Variants in PARD3B observed in about 807,000 individuals in gnomAD.
PARD3B encodes par-3 family cell polarity regulator beta.
A neutral mutation model predicts 130.2 loss-of-function variants in PARD3B; 103 were observed. The ratio of observed to expected loss-of-function variants is 0.79; its 90% CI spans 0.67 to 0.93. The LOEUF (loss-of-function observed/expected upper bound fraction) is 0.93. PARD3B is among the 40% of genes least tolerant of loss of function. The pLI is 0.00. For missense variants in PARD3B, 1,609 were observed against 1,499.2 expected, an observed-to-expected ratio of 1.07 and a Z score of -1.21; for synonymous variants, 583 against 553.2, an observed-to-expected ratio of 1.05 and a Z score of -0.76.
chr2:205,142,792 C>T lies in PARD3B; in HGVS notation c.1435-15930C>T, dbSNP rs1182872922. On this transcript the variant is annotated intron_variant, in intron 10 of 22. Transcript: ENST00000406610. This position sits in a 1 kb window ranked among gnomAD's most constrained non-coding sequence, Gnocchi z 4.3. ...ACTCAGGAAGCTGACGCAGGAGAAT[C>T]GTTTGAACCCGGGAGGCAGAGGTTG... Among the ~76,000 whole-genome samples the T allele has an allele frequency of 2.6e-5, 4 of 151,932 alleles. No individual in the cohort carries two copies. Among genetic ancestry groups the T allele is most frequent in the African/African-American group, 9.7e-5 (4 of 41,340 alleles).
intron 1 of PARD3B, among the ~76,000 whole-genome samples, chr2:204,667,983 G>A (rs976359792): frequency 2.0e-5 from 3 of 152,148 alleles, no homozygotes; most frequent in African/African-American, 7.2e-5. Flanking sequence ...ATTCTTGTAT[G>A]GACAGAAGAA....
At chr2:205,354,510 G>A (rs34008143) in intron 18 of PARD3B, among the ~76,000 whole-genome samples, 91,226 of 151,162 alleles carry the variant, frequency 0.6, 30,676 homozygotes, top group South Asian at 0.77. Flanking sequence ...TTAGAGCTGG[G>A]GTCTCACTAC....
chr2:205,363,546 G>T (rs80034745), intron 18 of PARD3B, among the ~76,000 whole-genome samples: 2,408 of 152,280 alleles, frequency 0.016, 20 homozygotes, highest in Non-Finnish European at 0.024. Flanking sequence ...AGGCAAAGGG[G>T]TATAATTGAA....
intron 22 of PARD3B, among the ~76,000 whole-genome samples, chr2:205,605,792 C>G (rs1373740472): frequency 1.3e-5 from 2 of 152,214 alleles, no homozygotes; most frequent in African/African-American, 4.8e-5. Context: ...GTGTGCTGCA[C>G]TGGGAGGAAT....
intron 4 of PARD3B, among the ~76,000 whole-genome samples, chr2:205,099,120 AT>A (rs1309354234): frequency 1.3e-5 from 2 of 152,190 alleles, no homozygotes; most frequent in Non-Finnish European, 2.9e-5. Flanking sequence ...AAGCCTTGTC[AT>A]TTGACCAAAA....
At chr2:204,559,030 C>T (rs1305551936) in intron 1 of PARD3B, among the ~76,000 whole-genome samples, 1 of 152,120 alleles carries the variant, frequency 6.6e-6, no homozygotes, top group African/African-American at 2.4e-5. Context: ...ACACCTTATA[C>T]AAAAATTAAT....
intron 1 of PARD3B, among the ~76,000 whole-genome samples, chr2:204,666,548 G>T (rs1432018373): frequency 6.6e-6 from 1 of 152,122 alleles, no homozygotes; most frequent in Non-Finnish European, 1.5e-5. Context: ...GGTTAACTTG[G>T]CCCAGAGAGT....
chr2:205,383,117 TAG>T (rs1553500373), intron 18 of PARD3B, among the ~76,000 whole-genome samples: 1 of 149,826 alleles, frequency 6.7e-6, no homozygotes, highest in Non-Finnish European at 1.5e-5. Context: ...GATAGATAGA[TAG>T]ATAGATAGAT....
At chr2:205,226,109 T>A (rs1025368393) in intron 15 of PARD3B, among the ~76,000 whole-genome samples, 1 of 152,232 alleles carries the variant, frequency 6.6e-6, no homozygotes, top group Non-Finnish European at 1.5e-5. Flanking sequence ...TGGCACAATC[T>A]CTGCTCACTG....
chr2:205,365,549 CTTT>C (rs3048121), intron 18 of PARD3B, among the ~76,000 whole-genome samples: 3 of 113,736 alleles, frequency 2.6e-5, no homozygotes, highest in South Asian at 5.5e-4. Context: ...CCCAACCTTC[CTTT>C]TTTTTTTTTT....
At chr2:204,863,554 C>T (rs1259747834) in intron 2 of PARD3B, among the ~76,000 whole-genome samples, 1 of 152,202 alleles carries the variant, frequency 6.6e-6, no homozygotes, top group Admixed American at 6.5e-5. Flanking sequence ...GTTAGAACTT[C>T]GGTTGCCTGG....
At chr2:204,977,503 C>A (rs1297969520) in intron 3 of PARD3B, among the ~76,000 whole-genome samples, 1 of 152,126 alleles carries the variant, frequency 6.6e-6, no homozygotes, top group South Asian at 2.1e-4. Context: ...CACCCATGTT[C>A]TGAAAAGAAT....
chr2:204,824,928 G>A (rs945811777), intron 2 of PARD3B, among the ~76,000 whole-genome samples: 3 of 152,124 alleles, frequency 2.0e-5, no homozygotes, highest in African/African-American at 4.8e-5. Context: ...TGCTCTGGGC[G>A]GCGTATGTGT....
chr2:205,300,421 CTT>C lies in PARD3B; in HGVS notation c.2186-108_2186-107del, dbSNP rs1307463441. 9.4e-7 allele frequency: 1 copy of C among 1,061,688 alleles called. No individual in the cohort carries two copies. The highest frequency in any genetic ancestry group is 1.4e-6 in the Non-Finnish European group (1 of 706,618). 65.8% of individuals were successfully genotyped at this position (1,061,688 alleles called of 1,614,324 possible). ...GGAGTATAACCCCAACTCCCACCCA[CTT>C]AACACCCCTTTTTTGGGATGTCCAG... On this transcript the variant is annotated intron_variant, in intron 16 of 22. Transcript: ENST00000406610. This position sits in a 1 kb window ranked among gnomAD's most constrained non-coding sequence, Gnocchi z 4.1.
At chr2:205,383,169 A>G (rs1574874893) in intron 18 of PARD3B, among the ~76,000 whole-genome samples, 1 of 81,152 alleles carries the variant, frequency 1.2e-5, no homozygotes, top group Non-Finnish European at 3.3e-5. Context: ...ACACATATCT[A>G]TATTTACTTC....
chr2:204,586,368 T>G (rs1325794935), intron 1 of PARD3B, among the ~76,000 whole-genome samples: 3 of 152,186 alleles, frequency 2.0e-5, no homozygotes, highest in Admixed American at 6.5e-5. Context: ...AAGACCTATG[T>G]CTATTTTAAC....
At chr2:205,129,696 T>C (rs963079797) in intron 10 of PARD3B, among the ~76,000 whole-genome samples, 2 of 152,220 alleles carry the variant, frequency 1.3e-5, no homozygotes, top group African/African-American at 4.8e-5. Context: ...TTAACAGCAC[T>C]GCACTGCCTA....
At chr2:205,179,358 G>A (rs1204261994) in intron 13 of PARD3B, among the ~76,000 whole-genome samples, 2 of 149,790 alleles carry the variant, frequency 1.3e-5, no homozygotes, top group East Asian at 1.9e-4. Context: ...AATGTCTATA[G>A]TAGTGTACAG....
chr2:205,171,113 T>C (rs1308680650), intron 11 of PARD3B, among the ~76,000 whole-genome samples: 1 of 152,226 alleles, frequency 6.6e-6, no homozygotes, highest in Admixed American at 6.5e-5. Context: ...GGAAGAATTC[T>C]CTGTAAGGGT....
Sources: gnomAD v4.1 joint callset for allele counts (sites outside exome capture counted in the v4.1 genomes callset) on GRCh38, gnomAD v4.1.1 for gene constraint, Gnocchi (gnomAD v3.1) non-coding constraint, MANE v1.5 for transcripts, NCBI Gene and HGNC (gene_info 2026-07-23, HGNC 2026-07-21) for gene names.